Variants in KCNC2 observed in about 807,000 individuals in gnomAD.
KCNC2 encodes voltage-gated potassium channel KCNC2.
In KCNC2, 21 loss-of-function variants were observed where a neutral mutation model predicts 44.5. The ratio of observed to expected loss-of-function variants is 0.47; its 90% CI spans 0.33 to 0.68. KCNC2 has a LOEUF of 0.68. Ranked by LOEUF, KCNC2 falls within the 30% of genes least tolerant of loss-of-function variation. KCNC2 has a pLI of 0.01. For missense variants in KCNC2, 589 were observed against 826.2 expected (o/e 0.71, Z 3.52); for synonymous variants, 391 against 339.1 (o/e 1.15, Z -1.68).
At chr12:75,097,825 A>C (rs1886063816) in intron 2 of KCNC2, among the ~76,000 whole-genome samples, 1 of 152,096 alleles carries the variant, frequency 6.6e-6, no homozygotes, top group African/African-American at 2.4e-5. Context: ...AAGTTTCATC[A>C]TTTATGAAAT....
chr12:75,126,866 G>A (rs1358300834), intron 2 of KCNC2, among the ~76,000 whole-genome samples: 2 of 152,054 alleles, frequency 1.3e-5, no homozygotes, highest in African/African-American at 4.8e-5. Context: ...ACTTCCTAGG[G>A]TTCTTAAATC....
At chr12:75,100,010 G>A (rs1454996727) in intron 2 of KCNC2, among the ~76,000 whole-genome samples, 4 of 151,966 alleles carry the variant, frequency 2.6e-5, no homozygotes, top group Admixed American at 1.3e-4. Context: ...AAATGTTTTA[G>A]AGAAGGCTAA....
chr12:75,091,930 T>C (rs773487289), intron 2 of KCNC2, among the ~76,000 whole-genome samples: 1 of 151,762 alleles, frequency 6.6e-6, no homozygotes, highest in Non-Finnish European at 1.5e-5. Context: ...AATGAAGTAC[T>C]CAATTATGGT....
intron 2 of KCNC2, among the ~76,000 whole-genome samples, chr12:75,107,489 G>A (rs537633965): frequency 2.4e-4 from 37 of 152,126 alleles, no homozygotes; most frequent in African/African-American, 7.2e-4. Context: ...TTCACTAACC[G>A]CTGTCAGAAA....
At chr12:75,051,791 T>A (rs186773107) in intron 2 of KCNC2, among the ~76,000 whole-genome samples, 13 of 152,188 alleles carry the variant, frequency 8.5e-5, no homozygotes, top group African/African-American at 3.1e-4. Flanking sequence ...TAGATTTGTA[T>A]TCATATATAA....
rs61089425 is a variant in KCNC2 at position 75,181,916 on chromosome 12, C to CTTTTTTTTTTTTTTT, written c.687+25366_687+25380dup. ...AAACATTATTACTATTAATATCTTCCTTTTTTTTTTTTTTTTTTTTTTTTT... is the reference window on the plus strand; with the variant it reads ...AAACATTATTACTATTAATATCTTCCTTTTTTTTTTTTTTTTTTTTTTTTTTTTTTTTTTTTTTTT... On this transcript the variant is annotated intron_variant, in intron 2 of 4. Transcript: ENST00000549446. Among the ~76,000 whole-genome samples, 66 of 47,876 alleles carry CTTTTTTTTTTTTTTT rather than the reference C, an allele frequency of 1.4e-3. 19 individuals are homozygous for CTTTTTTTTTTTTTTT. Among genetic ancestry groups the CTTTTTTTTTTTTTTT allele is most frequent in the East Asian group, 3.0e-3 (3 of 1,014 alleles). The allele number at this position is 47,876 out of a possible 152,430, so 31.4% of individuals were successfully genotyped here.
chr12:75,088,826 A>C (rs1026535981), intron 2 of KCNC2, among the ~76,000 whole-genome samples: 4 of 152,010 alleles, frequency 2.6e-5, no homozygotes, highest in African/African-American at 7.2e-5. Context: ...ATTTATATAT[A>C]ATCTAATATA....
chr12:75,189,593 G>C (rs2029994985), intron 2 of KCNC2, among the ~76,000 whole-genome samples: 1 of 152,142 alleles, frequency 6.6e-6, no homozygotes, highest in African/African-American at 2.4e-5. Context: ...AATTAAACTT[G>C]TGCTAGGCAT....
At chr12:75,158,514 T>C (rs1890908983) in intron 2 of KCNC2, among the ~76,000 whole-genome samples, 1 of 151,850 alleles carries the variant, frequency 6.6e-6, no homozygotes, top group Non-Finnish European at 1.5e-5. Flanking sequence ...GTAATTTTGG[T>C]TTTTCCTACC....
At chr12:75,188,061 C>T (rs930119784) in intron 2 of KCNC2, among the ~76,000 whole-genome samples, 4 of 152,236 alleles carry the variant, frequency 2.6e-5, no homozygotes, top group South Asian at 2.1e-4. Flanking sequence ...GGTCCAATAA[C>T]GTTTTGATGA....
At position 75,108,955 on chromosome 12, in the gene KCNC2, AG is replaced by A. The variant is rs1229964085; in HGVS notation, c.688-57639del. 5.3e-5 allele frequency among the ~76,000 whole-genome samples: 8 copies of A among 152,338 alleles called. No individual in the cohort carries two copies. The South Asian group carries it at 1.2e-3, about 24-fold the overall frequency. On this transcript the variant is annotated intron_variant, in intron 2 of 4. Transcript: ENST00000549446. ...TCATAATTTCTCTGCAATAAGGCTCAGGGTAAGTTGAAAAGTAAGAGAGTTA... is the reference window on the plus strand; with the variant it reads ...TCATAATTTCTCTGCAATAAGGCTCAGGTAAGTTGAAAAGTAAGAGAGTTA...
chr12:75,139,196 C>A (rs1490255529), intron 2 of KCNC2, among the ~76,000 whole-genome samples: 1 of 151,996 alleles, frequency 6.6e-6, no homozygotes, highest in Non-Finnish European at 1.5e-5. Flanking sequence ...TGCTCTCTTT[C>A]GAGTTAAAAT....
intron 2 of KCNC2, among the ~76,000 whole-genome samples, chr12:75,070,984 GT>G (rs1409728643): frequency 2.6e-5 from 4 of 151,344 alleles, no homozygotes; most frequent in Non-Finnish European, 5.9e-5. Context: ...ATCTTGCTCA[GT>G]TTTTTATTTT....
chr12:75,130,946 G>A (rs955087348), intron 2 of KCNC2, among the ~76,000 whole-genome samples: 1 of 151,898 alleles, frequency 6.6e-6, no homozygotes, highest in Non-Finnish European at 1.5e-5. Context: ...CATCTGTTAC[G>A]CCTCCTGTTT....
chr12:75,074,645 G>T (rs1206321736), intron 2 of KCNC2, among the ~76,000 whole-genome samples: 2 of 152,102 alleles, frequency 1.3e-5, no homozygotes, highest in Non-Finnish European at 2.9e-5. Context: ...CCACTTTCAA[G>T]ATTAAAAATA....
intron 2 of KCNC2, among the ~76,000 whole-genome samples, chr12:75,154,063 A>G (rs776455868): frequency 3.3e-5 from 5 of 152,018 alleles, no homozygotes; most frequent in African/African-American, 4.8e-5. Context: ...AATTTTACAC[A>G]CTTTTGTTAG....
intron 2 of KCNC2, among the ~76,000 whole-genome samples, chr12:75,100,004 G>A (rs1163292385): frequency 6.9e-6 from 1 of 145,240 alleles, no homozygotes; most frequent in Non-Finnish European, 1.5e-5. Flanking sequence ...ATATGAAAAT[G>A]TTTTAGAGAA....
intron 2 of KCNC2, among the ~76,000 whole-genome samples, chr12:75,184,437 A>C (rs926049117): frequency 2.0e-5 from 3 of 152,178 alleles, no homozygotes; most frequent in Admixed American, 2.0e-4. Context: ...CACTAATGAT[A>C]ACATCAACCA....
intron 2 of KCNC2, among the ~76,000 whole-genome samples, chr12:75,083,807 C>T (rs1369721205): frequency 6.6e-6 from 1 of 151,898 alleles, no homozygotes; most frequent in Non-Finnish European, 1.5e-5. Flanking sequence ...ATAATAAATA[C>T]ATGATTTCTG....
Sources: gnomAD v4.1 joint callset for allele counts (sites outside exome capture counted in the v4.1 genomes callset) on GRCh38, gnomAD v4.1.1 for gene constraint, MANE v1.5 for transcripts, NCBI Gene and HGNC (gene_info 2026-07-23, HGNC 2026-07-21) for gene names.